NKAIN2: variants seen among roughly 807,000 people sequenced by gnomAD.
NKAIN2 encodes sodium/potassium-transporting ATPase subunit beta-1-interacting protein 2.
NKAIN2 carries 14 observed loss-of-function variants against 32.6 expected under a neutral mutation model. That is an observed-to-expected ratio of 0.43 (90% CI 0.28 to 0.67). The LOEUF is 0.67. NKAIN2 is among the 30% of genes least tolerant of loss of function. The pLI is 0.17. For missense variants in NKAIN2, 198 were observed against 258.3 expected (o/e 0.77, Z 1.60); for synonymous variants, 80 against 87.2 (o/e 0.92, Z 0.46).
intron 1 of NKAIN2, among the ~76,000 whole-genome samples, chr6:124,251,003 G>C (rs918316160): frequency 5.3e-5 from 8 of 151,814 alleles, no homozygotes; most frequent in African/African-American, 1.7e-4. Context: ...ATCACTAAAA[G>C]AATAAACACA....
At chr6:124,342,592 C>G (rs1798179867) in intron 2 of NKAIN2, among the ~76,000 whole-genome samples, 2 of 151,784 alleles carry the variant, frequency 1.3e-5, no homozygotes, top group Admixed American at 1.3e-4. Context: ...ACTGCAACCT[C>G]CAACTCCAGG....
chr6:124,287,023 G>T (rs1376623428), intron 2 of NKAIN2, among the ~76,000 whole-genome samples: 2 of 151,902 alleles, frequency 1.3e-5, no homozygotes, highest in Admixed American at 1.3e-4. Flanking sequence ...TTTTTACCCT[G>T]CAGTCTTAGT....
chr6:124,315,860 T>G (rs1796929158), intron 2 of NKAIN2, among the ~76,000 whole-genome samples: 1 of 152,146 alleles, frequency 6.6e-6, no homozygotes, highest in Non-Finnish European at 1.5e-5. Context: ...ATTCAAAACA[T>G]TTTATTTTCC....
intron 3 of NKAIN2, among the ~76,000 whole-genome samples, chr6:124,640,058 A>G (rs1783925074): frequency 6.6e-6 from 1 of 152,178 alleles, no homozygotes; most frequent in Non-Finnish European, 1.5e-5. Flanking sequence ...ATGAATCAAA[A>G]TATCACTCTG....
intron 1 of NKAIN2, among the ~76,000 whole-genome samples, chr6:124,236,994 C>T (rs1478142714): frequency 6.6e-6 from 1 of 152,054 alleles, no homozygotes; most frequent in Non-Finnish European, 1.5e-5. Context: ...TCAGTTTTGG[C>T]AAGAAGTTGG....
intron 1 of NKAIN2, among the ~76,000 whole-genome samples, chr6:123,984,034 A>G (rs1431091409): frequency 6.6e-6 from 1 of 151,992 alleles, no homozygotes; most frequent in Non-Finnish European, 1.5e-5. Context: ...CAGCCTCCCG[A>G]GTAGCTGGGG....
At chr6:124,505,371 T>A (rs754723366) in intron 3 of NKAIN2, among the ~76,000 whole-genome samples, 4 of 152,148 alleles carry the variant, frequency 2.6e-5, no homozygotes, top group African/African-American at 7.2e-5. Flanking sequence ...TCTAACAAAT[T>A]CACTGTATTT....
chr6:123,962,903 G>A (rs1306408577), intron 1 of NKAIN2, among the ~76,000 whole-genome samples: 1 of 152,148 alleles, frequency 6.6e-6, no homozygotes, highest in Non-Finnish European at 1.5e-5. Flanking sequence ...AGTTCCTCAA[G>A]TGTTTTTCCA....
intron 3 of NKAIN2, among the ~76,000 whole-genome samples, chr6:124,591,176 TG>T (rs771254722): frequency 1.3e-5 from 2 of 152,244 alleles, no homozygotes; most frequent in African/African-American, 2.4e-5. Context: ...TGAGCATTTG[TG>T]GTGCCACGAA....
chr6:124,715,011 C>A (rs1351013800), intron 4 of NKAIN2, among the ~76,000 whole-genome samples: 2 of 152,110 alleles, frequency 1.3e-5, no homozygotes, highest in Non-Finnish European at 2.9e-5. Flanking sequence ...TGCTGAGCAC[C>A]CGGGTCACAG....
At chr6:124,169,236 CAT>C (rs1320529328) in intron 1 of NKAIN2, among the ~76,000 whole-genome samples, 3 of 151,980 alleles carry the variant, frequency 2.0e-5, no homozygotes, top group Non-Finnish European at 4.4e-5. Flanking sequence ...AATAAATATA[CAT>C]AGTCTCAAAA....
At chr6:124,205,330 T>C (rs1346269385) in intron 1 of NKAIN2, among the ~76,000 whole-genome samples, 5 of 147,932 alleles carry the variant, frequency 3.4e-5, no homozygotes, top group Non-Finnish European at 7.5e-5. Context: ...AATTCTAGAA[T>C]ACTCTGGGTT....
At chr6:123,944,250 C>A (rs969296750) in intron 1 of NKAIN2, among the ~76,000 whole-genome samples, 2 of 152,010 alleles carry the variant, frequency 1.3e-5, no homozygotes, top group African/African-American at 4.8e-5. Flanking sequence ...CCATCCCAAC[C>A]TGGTAGGAAT....
chr6:124,550,397 A>T (rs1158431638), intron 3 of NKAIN2, among the ~76,000 whole-genome samples: 1 of 150,096 alleles, frequency 6.7e-6, no homozygotes, highest in Admixed American at 6.6e-5. Flanking sequence ...TCCTGTGTAT[A>T]TTCTTGTATG....
intron 5 of NKAIN2, among the ~76,000 whole-genome samples, chr6:124,797,765 C>A (rs750772746): frequency 6.6e-5 from 10 of 151,984 alleles, no homozygotes; most frequent in Non-Finnish European, 1.2e-4. Flanking sequence ...GATTTGAATG[C>A]AGTTCTTTGA....
At chr6:124,702,762 C>T (rs1209903273) in intron 4 of NKAIN2, among the ~76,000 whole-genome samples, 2 of 152,020 alleles carry the variant, frequency 1.3e-5, no homozygotes, top group South Asian at 2.1e-4. Flanking sequence ...GCCCTGACAT[C>T]GGTCATTACA....
At chr6:124,337,670 C>T (rs1052209336) in intron 2 of NKAIN2, among the ~76,000 whole-genome samples, 3 of 152,198 alleles carry the variant, frequency 2.0e-5, no homozygotes, top group South Asian at 2.1e-4. Flanking sequence ...TATTCAGAAG[C>T]TCCCTATAGG....
chr6:124,267,183 C>T (rs1359096261), intron 1 of NKAIN2, among the ~76,000 whole-genome samples: 11 of 152,120 alleles, frequency 7.2e-5, no homozygotes, highest in Non-Finnish European at 1.5e-5. Flanking sequence ...CTGAGATTGT[C>T]AAGCAAGGAC....
At chr6:124,281,361 A>C (rs76226949) in intron 1 of NKAIN2, among the ~76,000 whole-genome samples, 2 of 152,214 alleles carry the variant, frequency 1.3e-5, no homozygotes, top group African/African-American at 4.8e-5. Context: ...CGCATATGTA[A>C]TACTGCCTAA....
Sources: allele counts gnomAD v4.1 joint callset (sites outside exome capture counted in the v4.1 genomes callset), GRCh38; gene constraint gnomAD v4.1.1; transcripts MANE v1.5; gene names NCBI Gene and HGNC (gene_info 2026-07-23, HGNC 2026-07-21).